Variants in DMXL1 observed in about 807,000 individuals in gnomAD.
The protein encoded by DMXL1 is Dmx like 1.
In DMXL1, 99 loss-of-function variants were observed where a neutral mutation model predicts 319.2. That is an observed-to-expected ratio of 0.31 (90% confidence interval 0.26 to 0.37). The LOEUF (loss-of-function observed/expected upper bound fraction) is 0.37, where lower values mean the gene tolerates loss of function less well. Ranked by LOEUF, DMXL1 falls within the 10% of genes least tolerant of loss-of-function variation. DMXL1 has a pLI of 1.00. For synonymous variants in DMXL1, 1,385 were observed against 1,235.2 expected, an observed-to-expected ratio of 1.12 and a Z score of -2.54; for missense variants, 3,745 against 3,595.6, an observed-to-expected ratio of 1.04 and a Z score of -1.06.
At chr5:119,089,140 A>G (rs979625271) in intron 1 of DMXL1, among the ~76,000 whole-genome samples, 23 of 150,992 alleles carry the variant, frequency 1.5e-4, no homozygotes, top group African/African-American at 5.3e-4. Flanking sequence ...GCTGGCTACA[A>G]TATTTATAGA....
chr5:119,221,943 A>G (rs1046899223), intron 37 of DMXL1, among the ~76,000 whole-genome samples: 1 of 152,090 alleles, frequency 6.6e-6, no homozygotes. Flanking sequence ...AGCCTTTATT[A>G]TTACGTAGGT....
At chr5:119,100,944 AT>A (rs140527244) in intron 2 of DMXL1, among the ~76,000 whole-genome samples, 58,892 of 149,914 alleles carry the variant, frequency 0.39, 14,126 homozygotes, top group East Asian at 0.95. Context: ...CGCCCGGCTA[AT>A]TTTTTTTTGT....
intron 28 of DMXL1, among the ~76,000 whole-genome samples, chr5:119,182,030 G>T (rs1776870057): frequency 6.6e-6 from 1 of 152,098 alleles, no homozygotes; most frequent in South Asian, 2.1e-4. Context: ...TTATTATGTT[G>T]CCCTGAAAAC....
chr5:119,099,478 G>T (rs1411966746), intron 2 of DMXL1, among the ~76,000 whole-genome samples: 2 of 152,014 alleles, frequency 1.3e-5, no homozygotes, highest in African/African-American at 4.8e-5. Flanking sequence ...CAAAGTGCTG[G>T]GATTACGTGA....
chr5:119,122,306 C>A (rs1368648820), intron 9 of DMXL1, among the ~76,000 whole-genome samples: 1 of 144,842 alleles, frequency 6.9e-6, no homozygotes, highest in Non-Finnish European at 1.5e-5. Flanking sequence ...GCTGGCCGGG[C>A]GGGGGGCTGA....
At chr5:119,119,227 A>G (rs1490164052) in intron 8 of DMXL1, among the ~76,000 whole-genome samples, 2 of 152,226 alleles carry the variant, frequency 1.3e-5, no homozygotes, top group South Asian at 4.1e-4. Flanking sequence ...TGATGATGAT[A>G]AAAGGATGAT....
At chr5:119,143,312 A>G (rs1187537458) in intron 13 of DMXL1, among the ~76,000 whole-genome samples, 2 of 152,030 alleles carry the variant, frequency 1.3e-5, no homozygotes, top group Non-Finnish European at 2.9e-5. Context: ...GGCAAAAGAA[A>G]AAAAATATTT....
At position 119,105,276 on chromosome 5, in the gene DMXL1, A is replaced by T. The variant is rs1283881098; in HGVS notation, c.364+18A>T. On this transcript the variant is annotated intron_variant, in intron 4 of 43. Transcript: ENST00000539542. Reference sequence around the variant, plus strand: ...TCCCACAGGTAAGAAAATAAGCAGGATTAACTAAAATGAAATATCACTTGC... The same window carrying T: ...TCCCACAGGTAAGAAAATAAGCAGGTTTAACTAAAATGAAATATCACTTGC... 1 of 1,574,078 alleles carries T rather than the reference A, an allele frequency of 6.4e-7. No individual in the cohort carries two copies. The highest frequency in any genetic ancestry group is 1.7e-5 in the Admixed American group (1 of 59,648).
chr5:119,231,141 T>G (rs1001774908), intron 38 of DMXL1, among the ~76,000 whole-genome samples: 2 of 152,182 alleles, frequency 1.3e-5, no homozygotes, highest in African/African-American at 4.8e-5. Flanking sequence ...TATTTAGTGC[T>G]TCCTGTAGAT....
intron 32 of DMXL1, among the ~76,000 whole-genome samples, chr5:119,202,889 A>ATATATATATATATT (rs1554139473): frequency 3.0e-4 from 42 of 141,418 alleles, no homozygotes; most frequent in African/African-American, 1.0e-3. Context: ...ATATTTTTAT[A>ATATATATATATATT]TATATATATA....
chr5:119,161,508 C>T (rs1205578473), intron 19 of DMXL1, among the ~76,000 whole-genome samples: 9 of 152,338 alleles, frequency 5.9e-5, no homozygotes, highest in East Asian at 3.9e-4. Context: ...CCTGCCTGAA[C>T]GGAACCTTGG....
chr5:119,246,389 T>C (rs1789764187), intron 43 of DMXL1, among the ~76,000 whole-genome samples: 1 of 152,150 alleles, frequency 6.6e-6, no homozygotes, highest in African/African-American at 2.4e-5. Context: ...CCTACAGTAT[T>C]GTAAGTTTCT....
At chr5:119,115,466 A>G (rs149995888) in intron 6 of DMXL1, among the ~76,000 whole-genome samples, 132 of 152,328 alleles carry the variant, frequency 8.7e-4, no homozygotes, top group African/African-American at 3.1e-3. Context: ...AAGTCAAATT[A>G]TTGTTCTCAT....
At chr5:119,163,111 C>G (rs1303837347) in intron 19 of DMXL1, among the ~76,000 whole-genome samples, 2 of 152,068 alleles carry the variant, frequency 1.3e-5, no homozygotes, top group Non-Finnish European at 2.9e-5. Flanking sequence ...TATAAATATA[C>G]AAATATCTTA....
intron 30 of DMXL1, 138 bp downstream of exon 30, chr5:119,194,108 G>C (rs185857397): frequency 1.8e-6 from 1 of 556,500 alleles, no homozygotes; most frequent in Admixed American, 3.9e-5. Flanking sequence ...AGTTGAAATT[G>C]TTAAATTCCT....
chr5:119,214,400 A>G (rs1783320760), intron 34 of DMXL1, among the ~76,000 whole-genome samples: 1 of 152,092 alleles, frequency 6.6e-6, no homozygotes, highest in Admixed American at 6.6e-5. Context: ...TGGTTTTCTG[A>G]TAGTCATTCT....
At chr5:119,074,719 G>C (rs778789352) in intron 1 of DMXL1, among the ~76,000 whole-genome samples, 7 of 152,190 alleles carry the variant, frequency 4.6e-5, no homozygotes, top group Non-Finnish European at 1.0e-4. Flanking sequence ...TGTGCTTTCA[G>C]AGCACTTTCT....
chr5:119,157,896 T>G (rs1771459726), intron 19 of DMXL1, among the ~76,000 whole-genome samples: 1 of 152,242 alleles, frequency 6.6e-6, no homozygotes, highest in Admixed American at 6.5e-5. Flanking sequence ...GTTGAATCTG[T>G]AGATCATTTT....
chr5:119,132,781 TTGAAC>T, intron 10 of DMXL1: 1 of 549,420 alleles, frequency 1.8e-6, no homozygotes. Context: ...AACGATTAAT[TTGAAC>T]TACTTGGTAG....
Sources: allele counts gnomAD v4.1 joint callset (sites outside exome capture counted in the v4.1 genomes callset), GRCh38; gene constraint gnomAD v4.1.1; transcripts MANE v1.5; gene names NCBI Gene and HGNC (gene_info 2026-07-23, HGNC 2026-07-21).